The following SLC12A2 variants were observed in gnomAD, a reference collection of about 807,000 sequenced individuals.
SLC12A2 encodes solute carrier family 12 member 2, also known as Na-K-2Cl cotransporter 1.
A neutral mutation model predicts 136.3 loss-of-function variants in SLC12A2; 67 were observed. The observed-to-expected ratio is 0.49, with a 90% CI of 0.40 to 0.60. The LOEUF is 0.60. Ranked by LOEUF, SLC12A2 falls within the 20% of genes least tolerant of loss-of-function variation. The pLI is 0.00. For synonymous variants in SLC12A2, 619 were observed against 562.9 expected (o/e 1.10, Z -1.41); for missense variants, 1,322 against 1,534.7 (o/e 0.86, Z 2.32).
At chr5:128,147,543 G>C in intron 10 of SLC12A2, 79 bp from the exon 11 acceptor site, 1 of 865,320 alleles carries the variant, frequency 1.2e-6, no homozygotes. Context: ...CCTCCTTCAA[G>C]ATGTGACCAC....
intron 10 of SLC12A2, among the ~76,000 whole-genome samples, chr5:128,142,394 C>T (rs946517234): frequency 1.3e-5 from 2 of 152,094 alleles, no homozygotes; most frequent in African/African-American, 4.8e-5. Flanking sequence ...TGAGCCACTG[C>T]GTCTGGCCAG....
intron 14 of SLC12A2, 124 bp from the exon 15 acceptor site, chr5:128,152,582 A>G (rs924605042): frequency 3.2e-5 from 22 of 689,346 alleles, no homozygotes; most frequent in Non-Finnish European, 5.4e-5. Flanking sequence ...TGAAAGTACA[A>G]TAGTGTATTT....
At chr5:128,176,256 C>T (rs897676074) in intron 20 of SLC12A2, among the ~76,000 whole-genome samples, 6 of 151,978 alleles carry the variant, frequency 3.9e-5, no homozygotes, top group African/African-American at 7.2e-5. Context: ...ATACCTCTTT[C>T]GACAAATGAG....
intron 20 of SLC12A2, 51 bp from the exon 21 acceptor site, chr5:128,177,051 TTTA>T: frequency 2.8e-6 from 3 of 1,088,910 alleles, no homozygotes; most frequent in Admixed American, 5.1e-5. Flanking sequence ...TTTTTATTAT[TTTA>T]TTAATATAAA....
rs770491647 is a variant in SLC12A2 at position 128,141,986 on chromosome 5, G to A, written c.1773+5G>A. ...GGCCTAATGAACAACTTCCAGGTGA[G>A]CATTGACTTTGTAATATACAGACAT... On this transcript the variant is annotated splice_donor_5th_base_variant and intron_variant, in intron 10 of 26. Transcript: ENST00000262461. The A allele has an allele frequency of 1.2e-6, 2 of 1,612,588 alleles. No individual in the cohort carries two copies. Among genetic ancestry groups the A allele is most frequent in the Middle Eastern group, 1.7e-4 (1 of 6,054 alleles).
intron 6 of SLC12A2, among the ~76,000 whole-genome samples, chr5:128,135,102 G>A (rs1283845894): frequency 1.3e-5 from 2 of 152,144 alleles, no homozygotes; most frequent in East Asian, 1.9e-4. Context: ...AGATGACACC[G>A]TTTTTCATGA....
intron 6 of SLC12A2, among the ~76,000 whole-genome samples, chr5:128,134,831 T>C (rs2126702968): frequency 6.6e-6 from 1 of 152,226 alleles, no homozygotes; most frequent in African/African-American, 2.4e-5. Flanking sequence ...TCCCAAGTAA[T>C]GGATATCCAC....
In SLC12A2 at chr5:128,084,137, C is replaced by T; in HGVS notation, c.183C>T (p.Pro61=). The change falls in exon 1 of 27, where the codon CCC becomes CCT. Residue 61 remains proline, a synonymous_variant. Transcript: ENST00000262461. The surrounding 1 kb of genome is among the most constrained non-coding windows in gnomAD (Gnocchi z 5.6). ...GCGGCGGGGTCCGCGATGAGGGCCC[C>T]GCGGCGGCCGGGGACGGGCTGGGCA... ...RDGGGVRDEG[P]AAAGDGLGRP... 7.7e-7 allele frequency: 1 copy of T among 1,297,166 alleles called. No individual in the cohort carries two copies. The highest frequency in any genetic ancestry group is 2.4e-5 in the South Asian group (1 of 42,464). 80.4% of individuals were successfully genotyped at this position (1,297,166 alleles called of 1,614,324 possible).
chr5:128,155,641 T>TTAC (rs1432904473), intron 15 of SLC12A2, among the ~76,000 whole-genome samples: 3 of 152,198 alleles, frequency 2.0e-5, no homozygotes, highest in African/African-American at 7.2e-5. Context: ...TTGTAGTTTC[T>TTAC]TACTGTTTAC....
intron 15 of SLC12A2, among the ~76,000 whole-genome samples, chr5:128,153,583 T>C (rs1293796330): frequency 6.6e-6 from 1 of 152,154 alleles, no homozygotes; most frequent in East Asian, 1.9e-4. Context: ...ATATTATCTT[T>C]CTAATAGTTT....
chr5:128,183,201 A>G (rs1332686584), intron 24 of SLC12A2, among the ~76,000 whole-genome samples: 2 of 152,042 alleles, frequency 1.3e-5, no homozygotes, highest in African/African-American at 4.8e-5. Context: ...GCCCCTGCCT[A>G]CAGTCGTTAT....
intron 4 of SLC12A2, 24 bp from the exon 5 acceptor site, chr5:128,131,043 T>C (rs201042093): frequency 1.1e-5 from 17 of 1,608,188 alleles, no homozygotes; most frequent in Non-Finnish European, 3.4e-6. Flanking sequence ...TACCTGTTTT[T>C]TTTGTTTGTT....
intron 6 of SLC12A2, among the ~76,000 whole-genome samples, chr5:128,134,852 AC>A (rs1762134980): frequency 6.6e-6 from 1 of 152,232 alleles, no homozygotes; most frequent in South Asian, 2.1e-4. Flanking sequence ...AAAGGTGTTT[AC>A]TTTTGAAGAC....
chr5:128,109,434 G>A (rs903334806), intron 1 of SLC12A2: 2 of 395,792 alleles, frequency 5.1e-6, no homozygotes, highest in South Asian at 2.1e-5. Flanking sequence ...TTCTGTCCAC[G>A]TCTTACACTT....
rs757696233 is a variant in SLC12A2 at position 128,084,330 on chromosome 5, A to T, written c.376A>T (p.Ser126Cys). 335 of 1,566,946 alleles carry T rather than the reference A, an allele frequency of 2.1e-4. No individual in the cohort carries two copies. The highest frequency in any genetic ancestry group is 2.8e-4 in the Non-Finnish European group (326 of 1,161,570). The change falls in exon 1 of 27, where the codon AGC (serine) becomes TGC (cysteine). Residue 126 changes from serine (S) to cysteine (C), a missense_variant. Ser to Cys is a moderately radical substitution (Grantham distance 112). Coordinates refer to ENST00000262461, the MANE Select transcript of SLC12A2 (RefSeq NM_001046.3). This position sits in a 1 kb window ranked among gnomAD's most constrained non-coding sequence, Gnocchi z 5.6. ...TPADGEASGE[S>C]EPAKGSEEAK... ...CGCGGACGGGGAAGCCAGCGGCGAG[A>T]GCGAGCCGGCTAAAGGCAGCGAGGA...
intron 13 of SLC12A2, among the ~76,000 whole-genome samples, chr5:128,150,809 A>G (rs1446131524): frequency 4.6e-5 from 7 of 151,820 alleles, no homozygotes; most frequent in Non-Finnish European, 8.9e-5. Context: ...AATGATTTTT[A>G]TGAACATTTT....
chr5:128,125,687 T>TA (rs566121348), intron 4 of SLC12A2, among the ~76,000 whole-genome samples: 51 of 152,306 alleles, frequency 3.3e-4, no homozygotes, highest in Middle Eastern at 3.4e-3. Flanking sequence ...TCTTTTTTTT[T>TA]ATGCTAGTGC....
At chr5:128,148,491 CT>C (rs1043439268) in intron 11 of SLC12A2, among the ~76,000 whole-genome samples, 3 of 151,760 alleles carry the variant, frequency 2.0e-5, no homozygotes, top group African/African-American at 7.2e-5. Context: ...TGTATGCCTG[CT>C]TCTGTGATTT....
chr5:128,180,261 C>T (rs559768102), intron 22 of SLC12A2, among the ~76,000 whole-genome samples: 11 of 152,052 alleles, frequency 7.2e-5, no homozygotes, highest in East Asian at 3.9e-4. Flanking sequence ...TGAGCCACCA[C>T]GCCCAGCCCA....
Sources: allele counts gnomAD v4.1 joint callset (sites outside exome capture counted in the v4.1 genomes callset), GRCh38; gene constraint gnomAD v4.1.1; non-coding constraint Gnocchi (gnomAD v3.1); transcripts MANE v1.5; gene names NCBI Gene and HGNC (gene_info 2026-07-23, HGNC 2026-07-21).